The following ARB2A variants were observed in gnomAD, a reference collection of about 807,000 sequenced individuals.
ARB2A encodes ARB2 cotranscriptional regulator A.
At chr5:94,050,737 T>A in the ARB2A span, 4 of 1,602,058 alleles carry the variant, frequency 2.5e-6, no homozygotes, top group Non-Finnish European at 3.4e-6. Flanking sequence ...ATACCTCTCC[T>A]AGAGCCTCGT....
the ARB2A span, among the ~76,000 whole-genome samples, chr5:93,674,633 C>T: frequency 6.6e-6 from 1 of 152,088 alleles, no homozygotes; most frequent in Non-Finnish European, 1.5e-5. Flanking sequence ...CTTTCAGACT[C>T]AATAATGCAA....
At chr5:93,726,542 C>T in the ARB2A span, among the ~76,000 whole-genome samples, 3 of 151,932 alleles carry the variant, frequency 2.0e-5, no homozygotes, top group African/African-American at 4.8e-5. Context: ...AAGAATGAGG[C>T]CAACAGGCAA....
the ARB2A span, among the ~76,000 whole-genome samples, chr5:93,928,735 C>T: frequency 6.6e-6 from 1 of 151,874 alleles, no homozygotes; most frequent in Admixed American, 6.6e-5. Context: ...AATAATAGGA[C>T]AAGAAAACTA....
the ARB2A span, among the ~76,000 whole-genome samples, chr5:93,980,946 T>A: frequency 7.2e-5 from 11 of 152,314 alleles, no homozygotes. Flanking sequence ...GCTTAAGGCA[T>A]ACCACCTTCA....
chr5:93,815,327 T>C, the ARB2A span, among the ~76,000 whole-genome samples: 1 of 152,068 alleles, frequency 6.6e-6, no homozygotes. Flanking sequence ...CCTAGAAGAG[T>C]ATCACTTTGT....
At chr5:93,940,757 A>C in the ARB2A span, among the ~76,000 whole-genome samples, 4 of 152,024 alleles carry the variant, frequency 2.6e-5, no homozygotes, top group Non-Finnish European at 5.9e-5. Context: ...AAGGCTTGTT[A>C]ATTTAAGCCT....
the ARB2A span, among the ~76,000 whole-genome samples, chr5:94,047,591 T>C: frequency 2.0e-5 from 3 of 152,036 alleles, no homozygotes; most frequent in Admixed American, 6.6e-5. Context: ...TAGGAGGCAG[T>C]AATGTAGATA....
chr5:94,004,408 C>T, the ARB2A span, among the ~76,000 whole-genome samples: 1 of 151,784 alleles, frequency 6.6e-6, no homozygotes, highest in Admixed American at 6.6e-5. Flanking sequence ...GGTGAAACCC[C>T]ATCTCTACTA....
the ARB2A span, among the ~76,000 whole-genome samples, chr5:93,770,589 G>A: frequency 6.6e-6 from 1 of 152,118 alleles, no homozygotes; most frequent in Non-Finnish European, 1.5e-5. Flanking sequence ...TCCTTAAGCT[G>A]ATAAGCAACT....
At chr5:93,743,898 C>A in the ARB2A span, among the ~76,000 whole-genome samples, 1 of 152,064 alleles carries the variant, frequency 6.6e-6, no homozygotes, top group East Asian at 1.9e-4. Context: ...GATCTCCTGA[C>A]CTTGTGATCC....
the ARB2A span, among the ~76,000 whole-genome samples, chr5:93,714,545 TA>T: frequency 7.9e-5 from 12 of 152,244 alleles, no homozygotes; most frequent in East Asian, 1.9e-4. Flanking sequence ...GATCTTAGAT[TA>T]AAAAAAATTA....
the ARB2A span, among the ~76,000 whole-genome samples, chr5:93,922,242 A>T: frequency 6.6e-6 from 1 of 152,262 alleles, no homozygotes; most frequent in Non-Finnish European, 1.5e-5. Flanking sequence ...GGACTCATGA[A>T]AGAATAATTA....
chr5:93,694,522 C>T, the ARB2A span, among the ~76,000 whole-genome samples: 147 of 152,246 alleles, frequency 9.7e-4, 1 homozygote, highest in African/African-American at 3.2e-3. Flanking sequence ...CAAACCACTG[C>T]TCAAGGAAAT....
chr5:93,866,048 T>A, the ARB2A span: 1 of 982,684 alleles, frequency 1.0e-6, no homozygotes, highest in African/African-American at 1.7e-5. Flanking sequence ...ATCTATAATA[T>A]GCTATTAATT....
the ARB2A span, among the ~76,000 whole-genome samples, chr5:93,767,214 G>C: frequency 7.2e-5 from 11 of 151,916 alleles, no homozygotes; most frequent in Admixed American, 6.6e-4. Flanking sequence ...ATCAACAAGG[G>C]GGCTAAGGAT....
the ARB2A span, among the ~76,000 whole-genome samples, chr5:94,012,485 G>A: frequency 6.6e-6 from 1 of 152,166 alleles, no homozygotes; most frequent in African/African-American, 2.4e-5. Flanking sequence ...TCTTACTCTT[G>A]CACCTCTGCC....
At chr5:93,624,343 T>C in the ARB2A span, among the ~76,000 whole-genome samples, 1 of 152,148 alleles carries the variant, frequency 6.6e-6, no homozygotes. Context: ...CTACCACCAC[T>C]TTACCCTTAT....
the ARB2A span, among the ~76,000 whole-genome samples, chr5:93,670,379 C>T: frequency 9.8e-5 from 15 of 152,320 alleles, no homozygotes; most frequent in African/African-American, 3.6e-4. Context: ...CCTAGATCTC[C>T]TTGTTCTACC....
At chr5:93,719,345 T>C in the ARB2A span, among the ~76,000 whole-genome samples, 2 of 152,184 alleles carry the variant, frequency 1.3e-5, no homozygotes, top group African/African-American at 4.8e-5. Context: ...CTGGAAAGTA[T>C]AGAAATCATC....
Sources: gnomAD v4.1 joint callset for allele counts (sites outside exome capture counted in the v4.1 genomes callset) on GRCh38, gnomAD v4.1.1 for gene constraint, MANE v1.5 for transcripts, NCBI Gene and HGNC (gene_info 2026-07-23, HGNC 2026-07-21) for gene names.